Variants in CBFB observed in about 807,000 individuals in gnomAD.
CBFB encodes CBF-beta.
CBFB carries 9 observed loss-of-function variants against 30.4 expected under a neutral mutation model. That is an observed-to-expected ratio of 0.30 (90% CI 0.18 to 0.52). CBFB has a LOEUF of 0.52. Among genes scored for constraint, CBFB ranks in the 20% least tolerant of loss-of-function variants. The pLI is 0.97. For synonymous variants in CBFB, 94 were observed against 84.0 expected (o/e 1.12, Z -0.65); for missense variants, 170 against 244.0 (o/e 0.70, Z 2.02).
chr16:67,051,749 T>TTG (rs1184278265), intron 3 of CBFB, among the ~76,000 whole-genome samples: 1 of 150,174 alleles, frequency 6.7e-6, no homozygotes, highest in African/African-American at 2.5e-5. Context: ...GGTGTTTTTT[T>TTG]TGTGTTTTTT....
At chr16:67,077,398 A>G (rs1961430546) in intron 4 of CBFB, among the ~76,000 whole-genome samples, 1 of 152,222 alleles carries the variant, frequency 6.6e-6, no homozygotes, top group South Asian at 2.1e-4. Flanking sequence ...AAACAGCTTT[A>G]CTTTTTACAT....
At chr16:67,031,497 C>T (rs147964157) in intron 2 of CBFB, among the ~76,000 whole-genome samples, 53 of 152,258 alleles carry the variant, frequency 3.5e-4, no homozygotes, top group African/African-American at 1.1e-3. Context: ...TTACAAAGTA[C>T]TTGTACTCTC....
chr16:67,083,052 G>T (rs536576790), intron 5 of CBFB, among the ~76,000 whole-genome samples: 2 of 152,156 alleles, frequency 1.3e-5, no homozygotes, highest in African/African-American at 4.8e-5. Flanking sequence ...GGTGGCACAT[G>T]CCTGTAGCTT....
At chr16:67,052,373 C>A (rs879311599) in intron 3 of CBFB, among the ~76,000 whole-genome samples, 1 of 152,036 alleles carries the variant, frequency 6.6e-6, no homozygotes, top group Admixed American at 6.6e-5. Flanking sequence ...AGTCCGAGAC[C>A]AGCCTGGTCA....
chr16:67,035,206 C>T (rs968546076), intron 2 of CBFB, among the ~76,000 whole-genome samples: 1 of 152,114 alleles, frequency 6.6e-6, no homozygotes. Context: ...GCCTCATCCT[C>T]CCAAGTAGCT....
intron 3 of CBFB, among the ~76,000 whole-genome samples, chr16:67,044,845 C>T (rs1163999068): frequency 6.6e-6 from 1 of 152,194 alleles, no homozygotes. Flanking sequence ...ATAGCCCAGT[C>T]ATTCCAAATA....
intron 2 of CBFB, among the ~76,000 whole-genome samples, chr16:67,035,010 CT>C (rs76566336): frequency 1.0e-3 from 148 of 144,768 alleles, no homozygotes; most frequent in Admixed American, 1.2e-3. Flanking sequence ...CTCCCAGAAA[CT>C]TTTTTTTTTT....
intron 2 of CBFB, chr16:67,036,350 G>GT (rs1242548367): frequency 6.7e-6 from 2 of 299,550 alleles, no homozygotes; most frequent in Non-Finnish European, 1.2e-5. Flanking sequence ...CTTCTGGTTA[G>GT]ACATTAGCAG....
chr16:67,061,014 T>G (rs1024411906), intron 3 of CBFB, among the ~76,000 whole-genome samples: 1 of 152,240 alleles, frequency 6.6e-6, no homozygotes, highest in Admixed American at 6.5e-5. Flanking sequence ...CAGTTGATGG[T>G]ACAAACATGT....
At chr16:67,029,623 C>T (rs1340567626) in intron 1 of CBFB, 104 bp from the exon 2 acceptor site, 12 of 1,315,614 alleles carry the variant, frequency 9.1e-6, no homozygotes, top group South Asian at 1.3e-5. Flanking sequence ...GGGCGGCCAT[C>T]GCCCGCAGCC....
intron 3 of CBFB, among the ~76,000 whole-genome samples, chr16:67,055,102 C>A (rs1170267607): frequency 6.6e-6 from 1 of 151,900 alleles, no homozygotes; most frequent in African/African-American, 2.4e-5. Flanking sequence ...GAAATGGCTG[C>A]AACTGAAGGG....
intron 3 of CBFB, among the ~76,000 whole-genome samples, chr16:67,048,663 G>T (rs1966674847): frequency 6.6e-6 from 1 of 151,306 alleles, no homozygotes; most frequent in Admixed American, 6.6e-5. Context: ...CCATTCTACT[G>T]CCTCAGCCTC....
At position 67,095,495 on chromosome 16, in the gene CBFB, G is replaced by A. The variant is rs577831154; in HGVS notation, c.496-3215G>A. Among the ~76,000 whole-genome samples, 3 of 152,118 alleles carry A rather than the reference G, an allele frequency of 2.0e-5. No homozygotes were observed. The South Asian group carries it at 6.2e-4, about 32-fold the overall frequency. On this transcript the variant is annotated intron_variant, in intron 5 of 5. Coordinates refer to ENST00000412916, the MANE Select transcript of CBFB (RefSeq NM_022845.3). ...TTGCGTCACTGCGCTCCAGCCTGGC[G>A]ACAGAGCAAAGCTTTTTGCTCAAAC...
At chr16:67,034,555 C>G (rs1285031923) in intron 2 of CBFB, among the ~76,000 whole-genome samples, 1 of 152,160 alleles carries the variant, frequency 6.6e-6, no homozygotes, top group Non-Finnish European at 1.5e-5. Flanking sequence ...CTAGAATGAT[C>G]TGTGTTTACC....
Position 67,082,320 on chromosome 16 carries a change from A to G in CBFB, c.495+12A>G. On this transcript the variant is annotated intron_variant, in intron 5 of 5. Coordinates refer to ENST00000412916, the MANE Select transcript of CBFB (RefSeq NM_022845.3). ...GGGAGGAAATGGAGGTGAGAGTTTCACAGCTGCTGGCAGTAACTGGTTAGT... is the reference window on the plus strand; with the variant it reads ...GGGAGGAAATGGAGGTGAGAGTTTCGCAGCTGCTGGCAGTAACTGGTTAGT... 2 of 1,612,438 alleles carry G rather than the reference A, an allele frequency of 1.2e-6. No homozygotes were observed. The highest frequency in any genetic ancestry group is 1.7e-6 in the Non-Finnish European group (2 of 1,178,792).
intron 4 of CBFB, among the ~76,000 whole-genome samples, chr16:67,072,345 T>A (rs1961247036): frequency 1.3e-5 from 2 of 152,250 alleles, no homozygotes; most frequent in Admixed American, 1.3e-4. Context: ...ACATTAAGAT[T>A]AATAAGCAGA....
intron 4 of CBFB, among the ~76,000 whole-genome samples, chr16:67,079,290 T>C (rs1444573721): frequency 6.6e-6 from 1 of 152,184 alleles, no homozygotes; most frequent in Non-Finnish European, 1.5e-5. Flanking sequence ...TGAAATAACA[T>C]TGCCCTGGGT....
At chr16:67,065,759 C>T (rs977377608) in intron 3 of CBFB, among the ~76,000 whole-genome samples, 1 of 151,990 alleles carries the variant, frequency 6.6e-6, no homozygotes, top group African/African-American at 2.4e-5. Flanking sequence ...GTTAACTTAC[C>T]AGTTTCTAGA....
intron 3 of CBFB, among the ~76,000 whole-genome samples, chr16:67,047,801 G>T (rs963787651): frequency 2.0e-5 from 3 of 152,076 alleles, no homozygotes; most frequent in Non-Finnish European, 4.4e-5. Flanking sequence ...AGGTGCCGTG[G>T]CTCGTGCCTT....
Sources: gnomAD v4.1 joint callset for allele counts (sites outside exome capture counted in the v4.1 genomes callset) on GRCh38, gnomAD v4.1.1 for gene constraint, MANE v1.5 for transcripts, NCBI Gene and HGNC (gene_info 2026-07-23, HGNC 2026-07-21) for gene names.